CPN1: variants seen among roughly 807,000 people sequenced by gnomAD.
CPN1 encodes the protein carboxypeptidase N catalytic chain.
Under a neutral mutation model 46.4 loss-of-function variants are expected in CPN1, and 37 were observed. That is an observed-to-expected ratio of 0.80 (90% CI 0.61 to 1.05). CPN1 has a LOEUF of 1.05. Ranked by LOEUF, CPN1 falls within the 50% of genes least tolerant of loss-of-function variation. The pLI, the probability that CPN1 is intolerant of heterozygous loss-of-function variation, is 0.00. For synonymous variants in CPN1, 224 were observed against 235.4 expected (o/e 0.95, Z 0.44); for missense variants, 563 against 602.6 (o/e 0.93, Z 0.69).
chr10:100,050,897 G>T (rs1404394678), intron 7 of CPN1, among the ~76,000 whole-genome samples: 4 of 152,180 alleles, frequency 2.6e-5, no homozygotes, highest in African/African-American at 9.7e-5. Context: ...CTCCCAAAGT[G>T]CTGGGATTAC....
chr10:100,067,164 C>T (rs923478210), intron 3 of CPN1, among the ~76,000 whole-genome samples: 1 of 152,114 alleles, frequency 6.6e-6, no homozygotes, highest in Admixed American at 6.6e-5. Flanking sequence ...CTTGATCTGT[C>T]GCCCAGACTA....
chr10:100,063,950 G>A (rs1056160864), intron 4 of CPN1, among the ~76,000 whole-genome samples: 20 of 152,172 alleles, frequency 1.3e-4, no homozygotes, highest in Non-Finnish European at 2.9e-4. Context: ...GTGTGAATGT[G>A]ACTGTGTGTC....
intron 8 of CPN1, among the ~76,000 whole-genome samples, chr10:100,046,812 G>A (rs1428783398): frequency 6.6e-6 from 1 of 151,598 alleles, no homozygotes; most frequent in Non-Finnish European, 1.5e-5. Flanking sequence ...GGTGGCTCAC[G>A]TCTGTAATCC....
At chr10:100,056,717 C>T (rs1019723487) in intron 6 of CPN1, among the ~76,000 whole-genome samples, 2 of 142,438 alleles carry the variant, frequency 1.4e-5, no homozygotes, top group Admixed American at 7.1e-5. Flanking sequence ...GCTTGGCTAT[C>T]TTTTTTTTTT....
At chr10:100,075,027 C>T (rs376920694) in intron 2 of CPN1, among the ~76,000 whole-genome samples, 4 of 152,216 alleles carry the variant, frequency 2.6e-5, no homozygotes, top group African/African-American at 2.4e-5. Context: ...CGGTGGCTCA[C>T]GCCTGTAATC....
In CPN1 at chr10:100,042,504, C is replaced by T; in HGVS notation, c.1300G>A (p.Gly434Arg). The stretch of plus-strand genomic sequence containing the variant: ...TGGGGCTGCACTTTGGCTCTGACTC[C>T]GTGCCTTCTGCTGGGAGCTCTCCTC... ...PVRRAPSRRH[G>R]VRAKVQPQAR... Residue 434 changes from glycine to arginine, a missense_variant, in exon 9 of 9, where the codon GGA becomes AGA. Transcript: ENST00000370418. The T allele has an allele frequency of 5.6e-6, 9 of 1,613,934 alleles. No individual in the cohort carries two copies. The highest frequency in any genetic ancestry group is 3.3e-5 in the South Asian group (3 of 91,084).
intron 8 of CPN1, among the ~76,000 whole-genome samples, chr10:100,047,973 CAA>C (rs943080008): frequency 2.6e-5 from 4 of 152,066 alleles, no homozygotes; most frequent in Non-Finnish European, 5.9e-5. Flanking sequence ...GCCTGGGCAA[CAA>C]GAGCGAAACC....
intron 7 of CPN1, among the ~76,000 whole-genome samples, chr10:100,050,550 G>A (rs1435308612): frequency 6.6e-6 from 1 of 152,196 alleles, no homozygotes; most frequent in Non-Finnish European, 1.5e-5. Context: ...AAAGCTGCCG[G>A]TGGTGTTATA....
intron 7 of CPN1, among the ~76,000 whole-genome samples, chr10:100,049,407 C>T (rs957366204): frequency 7.9e-5 from 12 of 151,238 alleles, no homozygotes; most frequent in Non-Finnish European, 1.5e-5. Context: ...GGATTAGAGG[C>T]GTGCACCACC....
rs767121462 is a variant in CPN1, at chr10:100,065,232, G to T, written c.715C>A (p.Arg239Ser). ...TCAGGCGTGGGGGTGCTGGCGGTGC[G>T]GCGGACCCCTCGGACCCGGTGCTCA... The part of the protein sequence containing the change: ...SFEHRVRGVR[R>S]TASTPTPDDK... Residue 239 changes from arginine (R) to serine (S), a missense_variant, in exon 4 of 9, where the codon CGC becomes AGC. Transcript: ENST00000370418. 1 of 1,614,068 alleles carries T rather than the reference G, an allele frequency of 6.2e-7. No homozygotes were observed.
intron 2 of CPN1, among the ~76,000 whole-genome samples, chr10:100,071,807 G>C (rs1035469010): frequency 6.6e-6 from 1 of 152,212 alleles, no homozygotes; most frequent in Admixed American, 6.5e-5. Flanking sequence ...AAGTATACAG[G>C]AGGATGTGCA....
Position 100,076,142 on chromosome 10 carries a change from A to G in CPN1, c.224-35T>C. On this transcript the variant is annotated intron_variant, in intron 1 of 8. Transcript: ENST00000370418. Reference sequence around the variant, plus strand: ...AGAGAAAAGATGGGGGAAGCTTGGAAGTGTCATTGATGCCTAACCTTGCAG... The same window carrying G: ...AGAGAAAAGATGGGGGAAGCTTGGAGGTGTCATTGATGCCTAACCTTGCAG... The G allele has an allele frequency of 2.5e-6, 4 of 1,605,720 alleles. 1 individual carries two copies.
intron 4 of CPN1, among the ~76,000 whole-genome samples, chr10:100,064,460 A>G (rs1362869543): frequency 6.6e-6 from 1 of 151,112 alleles, no homozygotes; most frequent in Non-Finnish European, 1.5e-5. Flanking sequence ...GGCTCACTGC[A>G]ACCTCCGCCT....
chr10:100,056,043 T>A (rs182848932), intron 6 of CPN1, among the ~76,000 whole-genome samples: 2 of 152,342 alleles, frequency 1.3e-5, no homozygotes, highest in Admixed American at 1.3e-4. Flanking sequence ...CACATAGGAA[T>A]TCTAATTATT....
Position 100,054,675 on chromosome 10 carries a change from C to A in CPN1, c.1012-229G>T, listed in dbSNP as rs1452101994. ...AGCCTGACTCAAATCATGTCACTATCCTACTCAAAACCTAACTCACTTTGA... is the reference window on the plus strand; with the variant it reads ...AGCCTGACTCAAATCATGTCACTATACTACTCAAAACCTAACTCACTTTGA... On this transcript the variant is annotated intron_variant, in intron 6 of 8. Transcript: ENST00000370418. Among the ~76,000 whole-genome samples, 3 of 152,074 alleles carry A rather than the reference C, an allele frequency of 2.0e-5. No individual in the cohort carries two copies. The East Asian group carries it at 5.8e-4, about 29-fold the overall frequency.
rs752559060 is a variant in CPN1, at chr10:100,065,383, G to A, written c.577-13C>T. 3.1e-6 allele frequency: 5 copies of A among 1,614,038 alleles called. No individual in the cohort carries two copies. Among genetic ancestry groups the A allele is most frequent in the Non-Finnish European group, 4.2e-6 (5 of 1,179,994 alleles). On this transcript the variant is annotated splice_polypyrimidine_tract_variant and intron_variant, in intron 3 of 8. Coordinates refer to ENST00000370418, the MANE Select transcript of CPN1 (RefSeq NM_001308.3). ...TCTCGGGTTCCACCTGGGAGGAGGC[G>A]AGAGGTTGGCGGTGAAGGGCCAACT... is the stretch of plus-strand genomic sequence containing the variant.
chr10:100,077,728 T>A (rs1479374043), intron 1 of CPN1, among the ~76,000 whole-genome samples: 1 of 152,206 alleles, frequency 6.6e-6, no homozygotes, highest in Non-Finnish European at 1.5e-5. Context: ...AATCTTAGTG[T>A]ATTTTTTTAA....
At chr10:100,074,860 G>GATTCTGA (rs746293194) in intron 2 of CPN1, among the ~76,000 whole-genome samples, 10 of 152,170 alleles carry the variant, frequency 6.6e-5, no homozygotes, top group Non-Finnish European at 1.2e-4. Flanking sequence ...CTTCATCTGT[G>GATTCTGA]ATTCTGATGC....
chr10:100,067,134 G>T (rs150577975), intron 3 of CPN1, among the ~76,000 whole-genome samples: 120 of 152,142 alleles, frequency 7.9e-4, no homozygotes, highest in African/African-American at 2.7e-3. Flanking sequence ...TTTGGTTTTG[G>T]TTTTTTTGTG....
Sources: gnomAD v4.1 joint callset for allele counts (sites outside exome capture counted in the v4.1 genomes callset) on GRCh38, gnomAD v4.1.1 for gene constraint, MANE v1.5 for transcripts, NCBI Gene and HGNC (gene_info 2026-07-23, HGNC 2026-07-21) for gene names.